SREK1IP1: variants seen among roughly 807,000 people sequenced by gnomAD.
SREK1IP1 encodes SREK1 interacting protein 1, also known as protein SREK1IP1.
In SREK1IP1, 12 loss-of-function variants were observed where a neutral mutation model predicts 22.8. That is an observed-to-expected ratio of 0.53 (90% confidence interval 0.34 to 0.85). The LOEUF (loss-of-function observed/expected upper bound fraction) is 0.85. Among genes scored for constraint, SREK1IP1 ranks in the 40% least tolerant of loss-of-function variants. The pLI, the probability that SREK1IP1 is intolerant of heterozygous loss-of-function variation, is 0.02. For synonymous variants in SREK1IP1, 53 were observed against 52.7 expected (o/e 1.01, Z -0.02); for missense variants, 147 against 171.8 (o/e 0.86, Z 0.81).
chr5:64,741,286 C>G lies in SREK1IP1; in HGVS notation c.62-86G>C, dbSNP rs964519575. 4 of 1,204,170 alleles carry G rather than the reference C, an allele frequency of 3.3e-6. No homozygotes were observed. In the African/African-American group the frequency reaches 4.7e-5, roughly 14 times the overall value. 74.6% of individuals were successfully genotyped at this position (1,204,170 alleles called of 1,614,324 possible). ...GTATGTTTTGCTGCCTCACGGTAAC[C>G]AGTAAGTTACAATTTCAATAATATA... is the stretch of plus-strand genomic sequence containing the variant. On this transcript the variant is annotated intron_variant, in intron 2 of 4. Coordinates refer to ENST00000513458, the MANE Select transcript of SREK1IP1 (RefSeq NM_173829.4).
chr5:64,734,897 CTTTA>C (rs1309436955), intron 3 of SREK1IP1, among the ~76,000 whole-genome samples: 2 of 151,914 alleles, frequency 1.3e-5, no homozygotes, highest in Non-Finnish European at 2.9e-5. Context: ...ATCTGGATGC[CTTTA>C]TTTTTCATAC....
intron 4 of SREK1IP1, chr5:64,727,553 A>ATATATATATATATATTTT: frequency 3.5e-5 from 3 of 84,714 alleles, no homozygotes; most frequent in African/African-American, 1.6e-4. Flanking sequence ...ATATATATAT[A>ATATATATATATATATTTT]TTTTTTTTTT....
chr5:64,760,423 T>C (rs1011509872), intron 1 of SREK1IP1, among the ~76,000 whole-genome samples: 21 of 152,220 alleles, frequency 1.4e-4, no homozygotes, highest in Admixed American at 7.9e-4. Context: ...GGAAAGTCTC[T>C]TGAGCAACTG....
chr5:64,718,820 G>A lies in SREK1IP1; in HGVS notation c.*5564C>T, dbSNP rs1385584472. ...AGAAAAAAAAAGGGAATTATTTTAA[G>A]CAGCTCTACTGAGCATATCTACTAT... On this transcript the variant is annotated 3_prime_UTR_variant, in exon 5 of 5. Transcript: ENST00000513458. 2.6e-5 allele frequency: 4 copies of A among 152,082 alleles called. No individual in the cohort carries two copies. The highest frequency in any genetic ancestry group is 4.4e-5 in the Non-Finnish European group (3 of 67,996). 9.4% of individuals were successfully genotyped at this position (152,082 alleles called of 1,614,324 possible). A position where few individuals can be genotyped will look rare whatever the true frequency, so the allele number is the denominator to read the frequency against.
chr5:64,761,516 C>T (rs2112116025), intron 1 of SREK1IP1, among the ~76,000 whole-genome samples: 1 of 152,318 alleles, frequency 6.6e-6, no homozygotes, highest in Admixed American at 6.5e-5. Context: ...TCCTAAGCTA[C>T]AAACTTGTAC....
intron 2 of SREK1IP1, among the ~76,000 whole-genome samples, chr5:64,743,783 T>TTG (rs774467494): frequency 2.1e-4 from 32 of 152,186 alleles, no homozygotes; most frequent in Non-Finnish European, 4.3e-4. Flanking sequence ...GAGTTTCCAC[T>TTG]TATCACCAGT....
intron 3 of SREK1IP1, among the ~76,000 whole-genome samples, chr5:64,735,207 G>A (rs1332928975): frequency 6.6e-6 from 1 of 151,524 alleles, no homozygotes; most frequent in Non-Finnish European, 1.5e-5. Context: ...ACTGACTTCT[G>A]AATATAAAAC....
Position 64,720,124 on chromosome 5 carries a change from T to A in SREK1IP1, c.*4260A>T, listed in dbSNP as rs888611239. On this transcript the variant is annotated 3_prime_UTR_variant, in exon 5 of 5. Transcript: ENST00000513458. ...TTAAATTACAGCACATTTTGTACAC[T>A]GAAAAATATTCTAAATGGTTTATTC... is the stretch of plus-strand genomic sequence containing the variant. The A allele has an allele frequency of 6.6e-6, 1 of 152,186 alleles. No individual in the cohort carries two copies. The highest frequency in any genetic ancestry group is 6.5e-5 in the Admixed American group (1 of 15,280). The allele number at this position is 152,186 out of a possible 1,614,324, so 9.4% of individuals were successfully genotyped here.
intron 2 of SREK1IP1, 85 bp from the exon 3 acceptor site, chr5:64,741,285 C>T (rs1384417290): frequency 8.1e-7 from 1 of 1,230,112 alleles, no homozygotes; most frequent in Non-Finnish European, 1.1e-6. Context: ...CTCACGGTAA[C>T]CAGTAAGTTA....
At chr5:64,768,203 G>C (rs966111266) in intron 1 of SREK1IP1, among the ~76,000 whole-genome samples, 9 of 152,096 alleles carry the variant, frequency 5.9e-5, no homozygotes, top group Non-Finnish European at 8.8e-5. Context: ...AGTTTTTCTC[G>C]GCCGCTTGCC....
At chr5:64,730,690 C>T (rs891806579) in intron 3 of SREK1IP1, among the ~76,000 whole-genome samples, 4 of 151,894 alleles carry the variant, frequency 2.6e-5, no homozygotes, top group African/African-American at 7.3e-5. Flanking sequence ...AGTCATTAGC[C>T]GAAGGAGGAA....
chr5:64,752,094 T>C (rs2112105889), intron 2 of SREK1IP1, among the ~76,000 whole-genome samples: 1 of 150,714 alleles, frequency 6.6e-6, no homozygotes, highest in Admixed American at 6.6e-5. Flanking sequence ...AAATAAATTC[T>C]AATAAAAACT....
chr5:64,763,622 C>T (rs1017244789), intron 1 of SREK1IP1, among the ~76,000 whole-genome samples: 11 of 152,104 alleles, frequency 7.2e-5, no homozygotes, highest in African/African-American at 2.7e-4. Context: ...CCTAATGAAA[C>T]AGAATGAAGA....
intron 2 of SREK1IP1, among the ~76,000 whole-genome samples, chr5:64,750,298 T>C (rs1742719386): frequency 6.6e-6 from 1 of 152,218 alleles, no homozygotes; most frequent in African/African-American, 2.4e-5. Flanking sequence ...CTGTTTTTGA[T>C]TCTCATTATG....
At chr5:64,738,563 C>CT (rs1415954411) in intron 3 of SREK1IP1, among the ~76,000 whole-genome samples, 1 of 152,140 alleles carries the variant, frequency 6.6e-6, no homozygotes, top group East Asian at 1.9e-4. Context: ...GTAGGCATCA[C>CT]ATTCCTTGAT....
intron 3 of SREK1IP1, among the ~76,000 whole-genome samples, chr5:64,737,397 C>T (rs1742481712): frequency 6.7e-6 from 1 of 149,538 alleles, no homozygotes; most frequent in Non-Finnish European, 1.5e-5. Context: ...AATGAAATTA[C>T]AACACACCAC....
rs923149651 is a variant in SREK1IP1 at position 64,723,919 on chromosome 5, T to C, written c.*465A>G. ...AGAATTTCACTATCTTTAAAAGATATTATATTTTAGTACATAAAGCTATTA... is the reference window on the plus strand; with the variant it reads ...AGAATTTCACTATCTTTAAAAGATACTATATTTTAGTACATAAAGCTATTA... On this transcript the variant is annotated 3_prime_UTR_variant, in exon 5 of 5. Coordinates refer to ENST00000513458, the MANE Select transcript of SREK1IP1 (RefSeq NM_173829.4). The C allele has an allele frequency of 5.9e-5, 9 of 152,786 alleles. No homozygotes were observed. Among genetic ancestry groups the C allele is most frequent in the African/African-American group, 1.9e-4 (8 of 41,452 alleles). 9.5% of individuals were successfully genotyped at this position (152,786 alleles called of 1,614,324 possible). A position where few individuals can be genotyped will look rare whatever the true frequency, so the allele number is the denominator to read the frequency against.
chr5:64,741,987 ATTT>A (rs11355158), intron 2 of SREK1IP1, among the ~76,000 whole-genome samples: 3 of 143,384 alleles, frequency 2.1e-5, no homozygotes, highest in African/African-American at 7.8e-5. Flanking sequence ...ATCTCATTCC[ATTT>A]TTTTTTTTTT....
rs1742543798 is a variant in SREK1IP1 at position 64,741,098 on chromosome 5, T to G, written c.164A>C (p.Glu55Ala). Residue 55 changes from glutamate (E) to alanine (A), a missense_variant, in exon 3 of 5, where the codon GAG (glutamate) becomes GCG (alanine). Glu to Ala is a moderately radical substitution (Grantham distance 107). This residue lies in a region of SREK1IP1 where 62 missense variants were observed against 73.3 expected (regional missense o/e 0.85). Transcript: ENST00000513458. Reference sequence around the variant, plus strand: ...CTGCAATTTATTCAGTTCTTCATTCTCTTCATCGCTATCTTCACTACTTGT... The same window carrying G: ...CTGCAATTTATTCAGTTCTTCATTCGCTTCATCGCTATCTTCACTACTTGT... ...SSTSSEDSDE[E>A]NEELNKLQAL... 2 of 1,612,988 alleles carry G rather than the reference T, an allele frequency of 1.2e-6. No individual in the cohort carries two copies. The highest frequency in any genetic ancestry group is 1.7e-6 in the Non-Finnish European group (2 of 1,179,424).
Sources: allele counts gnomAD v4.1 joint callset (sites outside exome capture counted in the v4.1 genomes callset), GRCh38; gene constraint gnomAD v4.1.1; regional missense constraint gnomAD v4.1.1; transcripts MANE v1.5; gene names NCBI Gene and HGNC (gene_info 2026-07-23, HGNC 2026-07-21).